Variants in SPAG16 observed in about 807,000 individuals in gnomAD.
SPAG16 encodes the protein sperm-associated antigen 16 protein.
Under a neutral mutation model 80.4 loss-of-function variants are expected in SPAG16, and 86 were observed. The observed-to-expected ratio is 1.07, with a 90% CI of 0.90 to 1.28. The LOEUF (loss-of-function observed/expected upper bound fraction) is 1.28, where lower values mean the gene tolerates loss of function less well. Among genes scored for constraint, SPAG16 ranks in the 50% most tolerant of loss-of-function variants. The pLI is 0.00. For synonymous variants in SPAG16, 294 were observed against 265.9 expected (o/e 1.11, Z -1.03); for missense variants, 870 against 765.3 (o/e 1.14, Z -1.61).
intron 10 of SPAG16, among the ~76,000 whole-genome samples, chr2:213,746,024 G>A (rs1053286966): frequency 6.6e-6 from 1 of 152,142 alleles, no homozygotes; most frequent in Non-Finnish European, 1.5e-5. Flanking sequence ...TGAAATGAAT[G>A]ATCAACATTT....
intron 15 of SPAG16, among the ~76,000 whole-genome samples, chr2:214,301,062 AT>A (rs1694516081): frequency 2.1e-5 from 3 of 145,296 alleles, no homozygotes; most frequent in African/African-American, 7.6e-5. Context: ...AATAATAATA[AT>A]AATAAAAGTT....
At chr2:214,026,351 A>G (rs575081756) in intron 13 of SPAG16, among the ~76,000 whole-genome samples, 2 of 151,672 alleles carry the variant, frequency 1.3e-5, no homozygotes, top group African/African-American at 4.8e-5. Context: ...GGAAAAATCA[A>G]TAGCTTCTTC....
chr2:213,483,066 A>G (rs2073828212), intron 9 of SPAG16, among the ~76,000 whole-genome samples: 1 of 152,164 alleles, frequency 6.6e-6, no homozygotes, highest in Admixed American at 6.5e-5. Context: ...ATGTGTAAAT[A>G]TACATATATC....
chr2:213,575,508 T>C (rs1356077945), intron 10 of SPAG16, among the ~76,000 whole-genome samples: 1 of 152,130 alleles, frequency 6.6e-6, no homozygotes, highest in Non-Finnish European at 1.5e-5. Flanking sequence ...TTGGGAATTA[T>C]TGATTATAGC....
intron 13 of SPAG16, among the ~76,000 whole-genome samples, chr2:214,094,328 C>T (rs957539463): frequency 1.3e-5 from 2 of 152,054 alleles, no homozygotes; most frequent in Admixed American, 6.6e-5. Flanking sequence ...TTAATATTAA[C>T]ATTAAAATTT....
intron 10 of SPAG16, among the ~76,000 whole-genome samples, chr2:213,556,814 GA>G (rs1351316055): frequency 6.6e-6 from 1 of 152,086 alleles, no homozygotes; most frequent in Non-Finnish European, 1.5e-5. Context: ...AGGGAACATG[GA>G]ACATTCCCCA....
At chr2:214,343,785 G>T (rs190646976) in intron 15 of SPAG16, among the ~76,000 whole-genome samples, 248 of 152,210 alleles carry the variant, frequency 1.6e-3, no homozygotes, top group African/African-American at 5.7e-3. Flanking sequence ...ATAACTAAAT[G>T]ACTCCCAATG....
At chr2:213,476,099 C>T (rs2073362217) in intron 9 of SPAG16, among the ~76,000 whole-genome samples, 1 of 152,192 alleles carries the variant, frequency 6.6e-6, no homozygotes, top group African/African-American at 2.4e-5. Context: ...GTTTACACTC[C>T]CGATAACTAA....
chr2:213,746,291 ACT>A (rs1046249648), intron 10 of SPAG16, among the ~76,000 whole-genome samples: 22 of 152,186 alleles, frequency 1.4e-4, no homozygotes, highest in Non-Finnish European at 2.9e-5. Flanking sequence ...TGACAGTAAT[ACT>A]CTCTGAAAAA....
At chr2:213,500,107 C>T (rs1575760319) in intron 10 of SPAG16, among the ~76,000 whole-genome samples, 1 of 152,164 alleles carries the variant, frequency 6.6e-6, no homozygotes, top group South Asian at 2.1e-4. Flanking sequence ...TCTTTTGGCA[C>T]CTGTATTTCA....
At chr2:213,844,335 T>G (rs2074506456) in intron 10 of SPAG16, among the ~76,000 whole-genome samples, 1 of 152,158 alleles carries the variant, frequency 6.6e-6, no homozygotes, top group Admixed American at 6.5e-5. Flanking sequence ...GAAAAGTTAC[T>G]GGGAAAATAT....
chr2:214,031,680 G>A (rs976474371), intron 13 of SPAG16, among the ~76,000 whole-genome samples: 7 of 151,054 alleles, frequency 4.6e-5, no homozygotes, highest in Admixed American at 2.6e-4. Flanking sequence ...AGACCTTTAC[G>A]AAGAAAACAG....
chr2:213,381,848 T>C (rs1559475873), intron 9 of SPAG16, among the ~76,000 whole-genome samples: 2 of 152,190 alleles, frequency 1.3e-5, no homozygotes, highest in South Asian at 4.1e-4. Context: ...TAAATAGGTA[T>C]AGATGTATCC....
At chr2:214,334,193 G>A (rs1192447378) in intron 15 of SPAG16, among the ~76,000 whole-genome samples, 2 of 152,160 alleles carry the variant, frequency 1.3e-5, no homozygotes, top group Non-Finnish European at 2.9e-5. Flanking sequence ...ACTTCTCTAG[G>A]TTGATCACGC....
chr2:213,393,979 G>A (rs941379179), intron 9 of SPAG16, among the ~76,000 whole-genome samples: 6 of 151,934 alleles, frequency 3.9e-5, no homozygotes, highest in Admixed American at 3.3e-4. Flanking sequence ...CATTAATTTT[G>A]TGATCAATTC....
At chr2:214,023,407 T>A (rs2047979996) in intron 13 of SPAG16, among the ~76,000 whole-genome samples, 1 of 149,394 alleles carries the variant, frequency 6.7e-6, no homozygotes, top group Non-Finnish European at 1.5e-5. Context: ...AGGCATTCAT[T>A]AAAAAAAAAA....
intron 9 of SPAG16, among the ~76,000 whole-genome samples, chr2:213,457,111 A>T (rs903578541): frequency 6.6e-6 from 1 of 152,050 alleles, no homozygotes; most frequent in African/African-American, 2.4e-5. Context: ...ATCATGCCTT[A>T]TGAAGTCCTC....
chr2:213,338,301 A>G (rs553039317), intron 5 of SPAG16, among the ~76,000 whole-genome samples: 1 of 152,330 alleles, frequency 6.6e-6, no homozygotes, highest in East Asian at 1.9e-4. Flanking sequence ...TGAGGCAACT[A>G]CGCAAACAAG....
At chr2:213,412,473 A>G (rs2069028950) in intron 9 of SPAG16, among the ~76,000 whole-genome samples, 1 of 152,196 alleles carries the variant, frequency 6.6e-6, no homozygotes, top group Admixed American at 6.5e-5. Flanking sequence ...AGACATGGGC[A>G]TTGTTACTCT....
Sources: allele counts gnomAD v4.1 joint callset (sites outside exome capture counted in the v4.1 genomes callset), GRCh38; gene constraint gnomAD v4.1.1; transcripts MANE v1.5; gene names NCBI Gene and HGNC (gene_info 2026-07-23, HGNC 2026-07-21).